CEP76: variants seen among roughly 807,000 people sequenced by gnomAD.
CEP76 encodes the protein centrosomal protein of 76 kDa.
A neutral mutation model predicts 83.3 loss-of-function variants in CEP76; 55 were observed. That is an observed-to-expected ratio of 0.66 (90% CI 0.53 to 0.83). The LOEUF (loss-of-function observed/expected upper bound fraction) is 0.83. Ranked by LOEUF, CEP76 falls within the 40% of genes least tolerant of loss-of-function variation. The pLI is 0.00. For missense variants in CEP76, 694 were observed against 799.5 expected, an observed-to-expected ratio of 0.87 and a Z score of 1.59; for synonymous variants, 270 against 274.5, an observed-to-expected ratio of 0.98 and a Z score of 0.16.
intron 6 of CEP76, among the ~76,000 whole-genome samples, chr18:12,692,813 A>G (rs2145077661): frequency 6.6e-6 from 1 of 152,224 alleles, no homozygotes; most frequent in Non-Finnish European, 1.5e-5. Flanking sequence ...TAGGATCCAT[A>G]CATATTTCTG....
chr18:12,693,172 G>C (rs2039828928), intron 6 of CEP76, among the ~76,000 whole-genome samples: 1 of 152,052 alleles, frequency 6.6e-6, no homozygotes, highest in East Asian at 1.9e-4. Flanking sequence ...TTATTTATCA[G>C]ATAATAGAAT....
chr18:12,702,709 G>T lies in CEP76; in HGVS notation c.-161C>A. On this transcript the variant is annotated 5_prime_UTR_variant, in exon 1 of 12. Transcript: ENST00000262127. ...GGACGCAACGCCGCGTCAGGCCGGG[G>T]GCTGACCTGGAAATGAGGCCCCGGC... is the stretch of plus-strand genomic sequence containing the variant. The T allele has an allele frequency of 1.3e-6, 1 of 743,922 alleles. No homozygotes were observed. The highest frequency in any genetic ancestry group is 2.1e-6 in the Non-Finnish European group (1 of 481,500). 46.1% of individuals were successfully genotyped at this position (743,922 alleles called of 1,614,324 possible).
intron 6 of CEP76, among the ~76,000 whole-genome samples, chr18:12,693,667 C>T (rs1216345669): frequency 6.6e-6 from 1 of 152,062 alleles, no homozygotes; most frequent in Non-Finnish European, 1.5e-5. Context: ...CCTGTAGTCC[C>T]AGCTACTCAG....
intron 8 of CEP76, chr18:12,684,216 GCCTCAGCCT>G (rs1490045047): frequency 1.3e-5 from 2 of 151,960 alleles, no homozygotes; most frequent in Non-Finnish European, 2.9e-5. Context: ...TGATCCGCCC[GCCTCAGCCT>G]CCCAAAGTGC....
chr18:12,686,099 A>C (rs1052798284), intron 8 of CEP76, 163 bp downstream of exon 8: 1 of 500,716 alleles, frequency 2.0e-6, no homozygotes, highest in African/African-American at 1.9e-5. Flanking sequence ...TACTTTTGTA[A>C]GTATTTTTGA....
chr18:12,701,162 A>G, intron 1 of CEP76, 49 bp from the exon 2 acceptor site: 1 of 1,420,870 alleles, frequency 7.0e-7, no homozygotes, highest in Non-Finnish European at 9.7e-7. Flanking sequence ...AAGCAGTCAA[A>G]TACTGCTTCT....
chr18:12,665,791 A>G (rs1027081379), intron 12 of CEP76, among the ~76,000 whole-genome samples: 4 of 152,104 alleles, frequency 2.6e-5, no homozygotes, highest in African/African-American at 9.7e-5. Context: ...TCTGCCTCCC[A>G]GGCTCATGCA....
rs1340651900 is a variant in CEP76, at chr18:12,697,501, TTA to T, written c.521-95_521-94del. On this transcript the variant is annotated intron_variant, in intron 4 of 11. Coordinates refer to ENST00000262127, the MANE Select transcript of CEP76 (RefSeq NM_024899.4). ...TTTTATTAAACAGTAAATAATAAGCTTATATAAAACCAAAGAGAACAATTTGC... is the reference window on the plus strand; with the variant it reads ...TTTTATTAAACAGTAAATAATAAGCTTATAAAACCAAAGAGAACAATTTGC... 3.4e-6 allele frequency: 3 copies of T among 879,500 alleles called. No homozygotes were observed. The African/African-American group carries it at 5.2e-5, about 15-fold the overall frequency. 54.5% of individuals were successfully genotyped at this position (879,500 alleles called of 1,614,324 possible). A position where few individuals can be genotyped will look rare whatever the true frequency, so the allele number is the denominator to read the frequency against.
At chr18:12,689,882 C>T (rs1409196456) in intron 7 of CEP76, among the ~76,000 whole-genome samples, 1 of 152,154 alleles carries the variant, frequency 6.6e-6, no homozygotes, top group Non-Finnish European at 1.5e-5. Context: ...CTCCGCCTCC[C>T]GGGTTAAGCA....
Position 12,691,390 on chromosome 18 carries a change from T to G in CEP76, c.902A>C (p.His301Pro). 1 of 1,607,300 alleles carries G rather than the reference T, an allele frequency of 6.2e-7. No individual in the cohort carries two copies. The highest frequency in any genetic ancestry group is 8.5e-7 in the Non-Finnish European group (1 of 1,176,442). ...AAAAATCTTAACCAGTCGTGAGTTG[T>G]GTGAGGGTCGAATTTGCAAATATTC... is the stretch of plus-strand genomic sequence containing the variant. The part of the protein sequence containing the change: ...WREYLQIRPS[H>P]NSRLVKIFAQ... Residue 301 changes from histidine to proline, a missense_variant, in exon 7 of 12, where the codon CAC becomes CCC. His to Pro is a moderately conservative substitution (Grantham distance 77). Coordinates refer to ENST00000262127, the MANE Select transcript of CEP76 (RefSeq NM_024899.4).
rs561154281 is a variant in CEP76, at chr18:12,695,253, C to T, written c.804+1G>A. The T allele has an allele frequency of 9.4e-6, 13 of 1,376,156 alleles. No homozygotes were observed. The highest frequency in any genetic ancestry group is 1.3e-5 in the Non-Finnish European group (13 of 980,630). The allele number at this position is 1,376,156 out of a possible 1,614,324, so 85.2% of individuals were successfully genotyped here. Reference sequence around the variant, plus strand: ...AAAAAGAGAAACTCATAAGTATTTACCTGTGTGTTCACTACTTCTTGAGAT... The same window carrying T: ...AAAAAGAGAAACTCATAAGTATTTATCTGTGTGTTCACTACTTCTTGAGAT... On this transcript the variant is annotated splice_donor_variant, in intron 6 of 11. Coordinates refer to ENST00000262127, the MANE Select transcript of CEP76 (RefSeq NM_024899.4). LOFTEE classifies it high-confidence loss of function.
chr18:12,672,180 T>C (rs891235262), downstream of CEP76, among the ~76,000 whole-genome samples: 1 of 149,940 alleles, frequency 6.7e-6, no homozygotes, highest in African/African-American at 2.5e-5. Flanking sequence ...AGTGGCGCGA[T>C]CTCACCTCAC....
In CEP76 at chr18:12,686,256, T is replaced by TA. The variant is rs753274730; in HGVS notation, c.1122+5dup. On this transcript the variant is annotated splice_donor_region_variant and intron_variant, in intron 8 of 11. Coordinates refer to ENST00000262127, the MANE Select transcript of CEP76 (RefSeq NM_024899.4). ...GCTACTTAATTCTATTATGTGTGTA[T>TA]AATACCTTGTTTCTACAGAGAAAGG... is the stretch of plus-strand genomic sequence containing the variant. 4.4e-6 allele frequency: 7 copies of TA among 1,606,802 alleles called. No individual in the cohort carries two copies. Among genetic ancestry groups the TA allele is most frequent in the Non-Finnish European group, 6.0e-6 (7 of 1,174,002 alleles).
intron 10 of CEP76, among the ~76,000 whole-genome samples, chr18:12,676,031 T>A (rs2039117858): frequency 6.6e-6 from 1 of 152,124 alleles, no homozygotes; most frequent in African/African-American, 2.4e-5. Flanking sequence ...TTAAAAATAA[T>A]AATATTACAA....
intron 7 of CEP76, among the ~76,000 whole-genome samples, chr18:12,686,962 T>C (rs759424301): frequency 9.9e-5 from 15 of 152,170 alleles, no homozygotes; most frequent in Non-Finnish European, 1.5e-4. Flanking sequence ...ACCAAGTCAA[T>C]TGAAAGCAAA....
chr18:12,702,004 G>A (rs761375657), intron 1 of CEP76, among the ~76,000 whole-genome samples: 2 of 152,172 alleles, frequency 1.3e-5, no homozygotes, highest in South Asian at 4.1e-4. Flanking sequence ...GCGCGCGCCT[G>A]TAATCCCAGC....
At chr18:12,662,443 C>T (rs1347534301) in intron 12 of CEP76, among the ~76,000 whole-genome samples, 1 of 152,316 alleles carries the variant, frequency 6.6e-6, no homozygotes, top group Non-Finnish European at 1.5e-5. Context: ...GCTCTTTCTC[C>T]TACATTACAA....
At position 12,678,114 on chromosome 18, in the gene CEP76, T is replaced by C; in HGVS notation, c.1618A>G (p.Arg540Gly). ...MQLRLLVSEHRKDLGLTTVWE... is the reference protein window; with the variant it reads ...MQLRLLVSEHGKDLGLTTVWE... ...ACTATTTCAGTGTGAATTACCTTCC[T>C]GTGTTCTGACACCAGGAGCCTCAGC... The change falls in exon 10 of 12, where the codon AGG becomes GGG. Residue 540 changes from arginine (R) to glycine (G), a missense_variant. Transcript: ENST00000262127. The C allele has an allele frequency of 6.2e-7, 1 of 1,609,184 alleles. No homozygotes were observed. Among genetic ancestry groups the C allele is most frequent in the Non-Finnish European group, 8.5e-7 (1 of 1,175,578 alleles).
downstream of CEP76, among the ~76,000 whole-genome samples, chr18:12,672,408 G>A (rs149566359): frequency 2.0e-3 from 309 of 152,258 alleles, 1 homozygote; most frequent in African/African-American, 7.0e-3. Flanking sequence ...AAACCACTAC[G>A]CCGAGCCTTA....
Sources: gnomAD v4.1 joint callset for allele counts (sites outside exome capture counted in the v4.1 genomes callset) on GRCh38, gnomAD v4.1.1 for gene constraint, MANE v1.5 for transcripts, NCBI Gene and HGNC (gene_info 2026-07-23, HGNC 2026-07-21) for gene names.